FAM124A: variants seen among roughly 807,000 people sequenced by gnomAD.
FAM124A encodes protein FAM124A.
Under a neutral mutation model 24.5 loss-of-function variants are expected in FAM124A, and 23 were observed. The ratio of observed to expected loss-of-function variants is 0.94; its 90% CI spans 0.68 to 1.33. The LOEUF is 1.33. FAM124A is among the 40% of genes most tolerant of loss of function. The pLI is 0.00. For synonymous variants in FAM124A, 287 were observed against 314.7 expected, an observed-to-expected ratio of 0.91 and a Z score of 0.93; for missense variants, 623 against 722.8, an observed-to-expected ratio of 0.86 and a Z score of 1.58.
In FAM124A at chr13:51,281,146, C is replaced by T; in HGVS notation, c.1531C>T (p.Pro511Ser). 1 of 1,614,104 alleles carries T rather than the reference C, an allele frequency of 6.2e-7. No homozygotes were observed. The highest frequency in any genetic ancestry group is 8.5e-7 in the Non-Finnish European group (1 of 1,180,026). Residue 511 changes from proline to serine, a missense_variant, in exon 4 of 4, where the codon CCA becomes TCA. Transcript: ENST00000322475. ...CACCTCCACCCTCACAGACTCCTCC[C>T]CACAGCTCCCATGCGATACCCCCAA... is the stretch of plus-strand genomic sequence containing the variant. ...PSTSTLTDSSPQLPCDTPKVK... is the reference protein window; with the variant it reads ...PSTSTLTDSSSQLPCDTPKVK...
At chr13:51,233,532 G>C (rs1223928294) in intron 2 of FAM124A, among the ~76,000 whole-genome samples, 1 of 152,078 alleles carries the variant, frequency 6.6e-6, no homozygotes, top group Non-Finnish European at 1.5e-5. Context: ...AAGGAAGAAG[G>C]GGAGAGTGGG....
At chr13:51,259,042 G>T (rs1170347325) in intron 3 of FAM124A, among the ~76,000 whole-genome samples, 2 of 152,142 alleles carry the variant, frequency 1.3e-5, no homozygotes, top group African/African-American at 4.8e-5. Context: ...TAGATGTCTG[G>T]TGAGACACTA....
chr13:51,249,292 A>G (rs967709933), intron 2 of FAM124A, among the ~76,000 whole-genome samples: 1 of 152,226 alleles, frequency 6.6e-6, no homozygotes, highest in African/African-American at 2.4e-5. Context: ...GAATTGCTCT[A>G]TGCTCATATT....
chr13:51,279,878 A>G (rs1954918324), intron 3 of FAM124A, among the ~76,000 whole-genome samples: 1 of 152,168 alleles, frequency 6.6e-6, no homozygotes, highest in Non-Finnish European at 1.5e-5. Flanking sequence ...TGGAGGATTT[A>G]CTGTCTGGAA....
In FAM124A at chr13:51,251,703, C is replaced by A; in HGVS notation, c.336C>A (p.Gly112=). 1 of 1,587,616 alleles carries A rather than the reference C, an allele frequency of 6.3e-7. No individual in the cohort carries two copies. The highest frequency in any genetic ancestry group is 2.3e-5 in the East Asian group (1 of 43,428). ...TGCTGTTCCTGCAGGAGGAGTACGG[C>A]GAAGAGCAGATCCTGCAGCTGCACC... ...AVVLFLQEEY[G]EEQILQLHRT... Residue 112 remains glycine (G), a synonymous_variant, in exon 3 of 4, where the codon GGC becomes GGA. Coordinates refer to ENST00000322475, the MANE Select transcript of FAM124A (RefSeq NM_001242312.2). The surrounding 1 kb of genome is among the most constrained non-coding windows in gnomAD (Gnocchi z 5.3).
chr13:51,277,436 T>G (rs1361193020), intron 3 of FAM124A, among the ~76,000 whole-genome samples: 3 of 152,206 alleles, frequency 2.0e-5, no homozygotes, highest in Non-Finnish European at 4.4e-5. Flanking sequence ...CTCATCACTA[T>G]GCAGTATCTG....
chr13:51,248,634 C>G (rs114274347), intron 2 of FAM124A, among the ~76,000 whole-genome samples: 2 of 152,090 alleles, frequency 1.3e-5, no homozygotes, highest in Non-Finnish European at 2.9e-5. Flanking sequence ...TTACTGGGAC[C>G]GGTGGGCTCC....
chr13:51,281,560 T>C lies in FAM124A; in HGVS notation c.*304T>C. On this transcript the variant is annotated 3_prime_UTR_variant, in exon 4 of 4. Coordinates refer to ENST00000322475, the MANE Select transcript of FAM124A (RefSeq NM_001242312.2). The stretch of plus-strand genomic sequence containing the variant: ...ACAATTTAAATGGCTTATATAATTA[T>C]TTGAAATGAAAAGAAAACCTAGTCA... The C allele has an allele frequency of 4.4e-6, 1 of 226,092 alleles. No homozygotes were observed. Among genetic ancestry groups the C allele is most frequent in the East Asian group, 9.4e-5 (1 of 10,672 alleles). The allele number at this position is 226,092 out of a possible 1,614,324, so 14.0% of individuals were successfully genotyped here. A position where few individuals can be genotyped will look rare whatever the true frequency, so the allele number is the denominator to read the frequency against.
Position 51,243,525 on chromosome 13 carries a change from G to GT in FAM124A, c.101-7935dup, listed in dbSNP as rs750171534. Among the ~76,000 whole-genome samples the GT allele has an allele frequency of 1.2e-3, 183 of 151,692 alleles. 1 individual carries two copies. The highest frequency in any genetic ancestry group is 5.8e-4 in the East Asian group (3 of 5,150). ...CTCCTGCTTTCAGACCTGGTTGTTG[G>GT]TTTTTTTTGTTTGTTTGTTTGTTTT... is the stretch of plus-strand genomic sequence containing the variant. On this transcript the variant is annotated intron_variant, in intron 2 of 3. Coordinates refer to ENST00000322475, the MANE Select transcript of FAM124A (RefSeq NM_001242312.2).
intron 3 of FAM124A, among the ~76,000 whole-genome samples, chr13:51,276,148 G>C (rs187332865): frequency 6.6e-6 from 1 of 152,150 alleles, no homozygotes; most frequent in Admixed American, 6.5e-5. Context: ...CAAGGAGTGA[G>C]TTTTGCCAAG....
chr13:51,261,267 C>T (rs1426532490), intron 3 of FAM124A, among the ~76,000 whole-genome samples: 1 of 152,120 alleles, frequency 6.6e-6, no homozygotes, highest in Admixed American at 6.5e-5. Context: ...CTATGGGGCA[C>T]GGGGCTAGTG....
At chr13:51,231,282 A>C in intron 1 of FAM124A, 66 bp from the exon 2 acceptor site, 1 of 1,589,368 alleles carries the variant, frequency 6.3e-7, no homozygotes, top group East Asian at 2.2e-5. Context: ...CTGACTGTTT[A>C]AAATTCTGGC....
At chr13:51,224,868 A>T (rs1448055932) in intron 1 of FAM124A, among the ~76,000 whole-genome samples, 1 of 151,126 alleles carries the variant, frequency 6.6e-6, no homozygotes, top group African/African-American at 2.4e-5. Flanking sequence ...GTTTCTCAGC[A>T]GGTCCTTCTT....
At chr13:51,225,960 GTTGC>G (rs201400234) in intron 1 of FAM124A, among the ~76,000 whole-genome samples, 13,399 of 125,872 alleles carry the variant, frequency 0.11, 1,005 homozygotes, top group Admixed American at 0.17. Flanking sequence ...AATCTGTAAT[GTTGC>G]TTGCTTGCTT....
At chr13:51,280,426 T>C in intron 3 of FAM124A, 24 bp from the exon 4 acceptor site, 2 of 1,554,576 alleles carry the variant, frequency 1.3e-6, no homozygotes, top group African/African-American at 1.4e-5. Flanking sequence ...CCTGCACTAA[T>C]GTGATCTGCC....
At chr13:51,242,752 C>T (rs187479739) in intron 2 of FAM124A, among the ~76,000 whole-genome samples, 9 of 152,210 alleles carry the variant, frequency 5.9e-5, no homozygotes, top group African/African-American at 1.9e-4. Context: ...ATCTGCCTTA[C>T]TTTCTATATA....
rs995401889 is a variant in FAM124A at position 51,281,372 on chromosome 13, G to A, written c.*116G>A. 1.0e-5 allele frequency: 11 copies of A among 1,095,828 alleles called. No homozygotes were observed. Among genetic ancestry groups the A allele is most frequent in the East Asian group, 2.6e-5 (1 of 37,796 alleles). The allele number at this position is 1,095,828 out of a possible 1,614,324, so 67.9% of individuals were successfully genotyped here. On this transcript the variant is annotated 3_prime_UTR_variant, in exon 4 of 4. Transcript: ENST00000322475. ...TTCATGATCCATTTCCCAGGAGCCCGTAGCACATTTGCCTACCACCCACTC... is the reference window on the plus strand; with the variant it reads ...TTCATGATCCATTTCCCAGGAGCCCATAGCACATTTGCCTACCACCCACTC...
In FAM124A at chr13:51,282,090, C is replaced by T. The variant is rs1304722856; in HGVS notation, c.*834C>T. 2.0e-5 allele frequency: 3 copies of T among 152,124 alleles called. No homozygotes were observed. Among genetic ancestry groups the T allele is most frequent in the African/African-American group, 7.2e-5 (3 of 41,404 alleles). The allele number at this position is 152,124 out of a possible 1,614,324, so 9.4% of individuals were successfully genotyped here. A position where few individuals can be genotyped will look rare whatever the true frequency, so the allele number is the denominator to read the frequency against. On this transcript the variant is annotated 3_prime_UTR_variant, in exon 4 of 4. Transcript: ENST00000322475. ...TTGTTGGGATTACAGAATTATAGGC[C>T]ATTAGACATCATGGGTAGGTAGTCT... is the stretch of plus-strand genomic sequence containing the variant.
In FAM124A at chr13:51,251,890, AC is replaced by A. The variant is rs771436460; in HGVS notation, c.525del (p.Val176SerfsTer17). 1 of 1,614,050 alleles carries A rather than the reference AC, an allele frequency of 6.2e-7. No individual in the cohort carries two copies. The highest frequency in any genetic ancestry group is 1.1e-5 in the South Asian group (1 of 91,076). ...VHYGKEIVRF[T>X]VYCRYDNYAD... is the part of the protein sequence containing the mutation. ...CTACGGCAAGGAAATCGTGCGCTTC[AC>A]CGTCTACTGTCGCTACGACAACTAT... On this transcript the variant is annotated frameshift_variant, in exon 3 of 4. Transcript: ENST00000322475. LOFTEE classifies it high-confidence loss of function. The surrounding 1 kb of genome is among the most constrained non-coding windows in gnomAD (Gnocchi z 5.3).
Sources: allele counts gnomAD v4.1 joint callset (sites outside exome capture counted in the v4.1 genomes callset), GRCh38; gene constraint gnomAD v4.1.1; non-coding constraint Gnocchi (gnomAD v3.1); transcripts MANE v1.5; gene names NCBI Gene and HGNC (gene_info 2026-07-23, HGNC 2026-07-21).